Variants in RAI14 observed in about 807,000 individuals in gnomAD.
RAI14 encodes the protein ankycorbin.
In RAI14, 45 loss-of-function variants were observed where a neutral mutation model predicts 115.4. The ratio of observed to expected loss-of-function variants is 0.39; its 90% confidence interval spans 0.31 to 0.50. The LOEUF is 0.50. RAI14 is among the 20% of genes least tolerant of loss of function. The pLI is 0.85. For synonymous variants in RAI14, 371 were observed against 415.4 expected (o/e 0.89, Z 1.30); for missense variants, 939 against 1,131.2 (o/e 0.83, Z 2.44).
chr5:34,808,733 G>A (rs1407460368), intron 7 of RAI14, 79 bp downstream of exon 7: 1 of 1,347,424 alleles, frequency 7.4e-7, no homozygotes, highest in Admixed American at 1.9e-5. Flanking sequence ...GAGTCACTGA[G>A]ACTTTAGACT....
chr5:34,827,470 A>G lies in RAI14; in HGVS notation c.2799+991A>G, dbSNP rs1757567481. ...ACATTCCGTTTTCTACCTAAAGTCC[A>G]GGGTTAGTCTGTCCTGGACTGTCTC... On this transcript the variant is annotated intron_variant, in intron 16 of 17. Coordinates refer to ENST00000265109, the MANE Select transcript of RAI14 (RefSeq NM_015577.3). This position sits in a 1 kb window ranked among gnomAD's most constrained non-coding sequence, Gnocchi z 4.2. Among the ~76,000 whole-genome samples, 1 of 152,206 alleles carries G rather than the reference A, an allele frequency of 6.6e-6. No individual in the cohort carries two copies. Among genetic ancestry groups the G allele is most frequent in the Non-Finnish European group, 1.5e-5 (1 of 68,040 alleles).
chr5:34,782,059 A>G (rs998725888), intron 3 of RAI14, among the ~76,000 whole-genome samples: 2 of 152,234 alleles, frequency 1.3e-5, no homozygotes, highest in African/African-American at 2.4e-5. Context: ...CAGATCACTC[A>G]TGCTATTGTT....
At chr5:34,733,792 T>A (rs146130231) in intron 2 of RAI14, among the ~76,000 whole-genome samples, 1 of 152,332 alleles carries the variant, frequency 6.6e-6, no homozygotes, top group Non-Finnish European at 1.5e-5. Context: ...GTCCTCTTAT[T>A]GCTGCTCAGA....
chr5:34,826,276 T>C, intron 15 of RAI14, 54 bp from the exon 16 acceptor site: 2 of 1,531,270 alleles, frequency 1.3e-6, no homozygotes, highest in Non-Finnish European at 1.8e-6. Context: ...ATATATGAAA[T>C]TTTGCTTTGT....
At chr5:34,748,680 T>C (rs1280311499) in intron 2 of RAI14, among the ~76,000 whole-genome samples, 1 of 151,996 alleles carries the variant, frequency 6.6e-6, no homozygotes, top group Non-Finnish European at 1.5e-5. Flanking sequence ...TGCAACTATA[T>C]AGAAAATTTG....
intron 2 of RAI14, among the ~76,000 whole-genome samples, chr5:34,717,931 C>G (rs770072885): frequency 2.8e-4 from 43 of 150,890 alleles, no homozygotes; most frequent in Non-Finnish European, 5.3e-4. Context: ...TCCTTCCAAC[C>G]CTGCTCTTAA....
At chr5:34,811,629 C>T (rs17522578) in intron 8 of RAI14, 138 bp from the exon 9 acceptor site, 100,664 of 699,324 alleles carry the variant, frequency 0.14, 8,708 homozygotes, top group Middle Eastern at 0.18. Flanking sequence ...CATTCCACTT[C>T]GAATTCCCTG....
intron 2 of RAI14, among the ~76,000 whole-genome samples, chr5:34,726,480 G>A (rs1743487170): frequency 6.6e-6 from 1 of 152,120 alleles, no homozygotes; most frequent in African/African-American, 2.4e-5. Context: ...ACAGCAAGGG[G>A]GAAATCCGCC....
At chr5:34,681,374 G>A (rs190992786) in intron 1 of RAI14, among the ~76,000 whole-genome samples, 1 of 152,274 alleles carries the variant, frequency 6.6e-6, no homozygotes, top group Admixed American at 6.5e-5. Flanking sequence ...TGGATTTTAA[G>A]TCTGATGTCC....
chr5:34,769,935 G>C (rs924720581), intron 3 of RAI14, among the ~76,000 whole-genome samples: 3 of 152,068 alleles, frequency 2.0e-5, no homozygotes, highest in African/African-American at 7.2e-5. Context: ...CACCATGTTG[G>C]CCAGGCTGGT....
intron 1 of RAI14, chr5:34,658,849 AGAG>A (rs1303234854): frequency 1.3e-5 from 2 of 152,160 alleles, no homozygotes; most frequent in East Asian, 3.8e-4. Context: ...ACATAAAAAC[AGAG>A]TATAGTAAGC....
intron 1 of RAI14, among the ~76,000 whole-genome samples, chr5:34,682,763 G>A (rs1195650366): frequency 6.6e-6 from 1 of 152,164 alleles, no homozygotes; most frequent in Non-Finnish European, 1.5e-5. Context: ...GGAGAACTTA[G>A]TTCAGAGAAC....
At chr5:34,740,420 T>A (rs186513354) in intron 2 of RAI14, among the ~76,000 whole-genome samples, 27 of 152,284 alleles carry the variant, frequency 1.8e-4, no homozygotes, top group African/African-American at 6.3e-4. Context: ...TCTAGTTAAA[T>A]CACAAAACTC....
intron 2 of RAI14, among the ~76,000 whole-genome samples, chr5:34,707,957 T>A (rs1740903813): frequency 6.6e-6 from 1 of 152,150 alleles, no homozygotes; most frequent in African/African-American, 2.4e-5. Flanking sequence ...AGAGGGAATG[T>A]TGATACAGGG....
At chr5:34,740,022 C>T (rs2150044286) in intron 2 of RAI14, among the ~76,000 whole-genome samples, 1 of 152,204 alleles carries the variant, frequency 6.6e-6, no homozygotes, top group Non-Finnish European at 1.5e-5. Flanking sequence ...CACTGCACTC[C>T]AGCCTGGGTG....
chr5:34,810,935 CA>C (rs1580337285), intron 7 of RAI14, 76 bp from the exon 8 acceptor site: 1 of 1,597,882 alleles, frequency 6.3e-7, no homozygotes, highest in Non-Finnish European at 8.5e-7. Context: ...GAAAAATGTG[CA>C]AAAAACAGGG....
At chr5:34,658,403 G>A (rs1206579082) in intron 1 of RAI14, among the ~76,000 whole-genome samples, 3 of 152,108 alleles carry the variant, frequency 2.0e-5, no homozygotes, top group African/African-American at 7.2e-5. Context: ...AAGAACAACT[G>A]GGCCTTGGAA....
intron 5 of RAI14, among the ~76,000 whole-genome samples, chr5:34,806,315 G>A (rs1010139708): frequency 6.6e-5 from 10 of 152,152 alleles, no homozygotes; most frequent in African/African-American, 2.4e-4. Flanking sequence ...TGTCATGATG[G>A]GCTTGACTGC....
chr5:34,830,839 G>T lies in RAI14; in HGVS notation c.*74G>T. ...AGATCCAGAGTTGTCGGCAGCCGCT[G>T]CCATTGTTCTCATTCGTGGTATGCA... On this transcript the variant is annotated 3_prime_UTR_variant, in exon 18 of 18. Transcript: ENST00000265109. 1 of 1,597,898 alleles carries T rather than the reference G, an allele frequency of 6.3e-7. No individual in the cohort carries two copies. Among genetic ancestry groups the T allele is most frequent in the South Asian group, 1.1e-5 (1 of 88,598 alleles).
Sources: allele counts gnomAD v4.1 joint callset (sites outside exome capture counted in the v4.1 genomes callset), GRCh38; gene constraint gnomAD v4.1.1; non-coding constraint Gnocchi (gnomAD v3.1); transcripts MANE v1.5; gene names NCBI Gene and HGNC (gene_info 2026-07-23, HGNC 2026-07-21).